XPO4: variants seen among roughly 807,000 people sequenced by gnomAD.
The protein encoded by XPO4 is exportin-4.
A neutral mutation model predicts 143.0 loss-of-function variants in XPO4; 39 were observed. The ratio of observed to expected loss-of-function variants is 0.27; its 90% confidence interval spans 0.21 to 0.36. XPO4 has a LOEUF of 0.36. XPO4 is among the 10% of genes least tolerant of loss of function. The probability of loss-of-function intolerance (pLI) is 1.00; values close to 1 mark genes in which losing one functional copy is unlikely to be tolerated. For synonymous variants in XPO4, 439 were observed against 474.0 expected (o/e 0.93, Z 0.96); for missense variants, 907 against 1,348.0 (o/e 0.67, Z 5.12).
In XPO4 at chr13:20,834,491, T is replaced by G. The variant is rs570289507; in HGVS notation, c.728-7312A>C. On this transcript the variant is annotated intron_variant, in intron 6 of 22. Transcript: ENST00000255305. Reference sequence around the variant, plus strand: ...AGAGGCTGAAGTTGAGAGGATAGCTTGAGCCCAAGAAGTCGAGGCTGCCAA... The same window carrying G: ...AGAGGCTGAAGTTGAGAGGATAGCTGGAGCCCAAGAAGTCGAGGCTGCCAA... 5.9e-5 allele frequency among the ~76,000 whole-genome samples: 9 copies of G among 151,664 alleles called. No homozygotes were observed. The South Asian group carries it at 1.0e-3, about 18-fold the overall frequency.
chr13:20,865,587 T>C (rs2060238105), intron 2 of XPO4: 3 of 968,076 alleles, frequency 3.1e-6, no homozygotes, highest in Admixed American at 6.2e-5. Flanking sequence ...ATAAAATTCA[T>C]TTGAATTTTG....
chr13:20,801,782 A>C (rs1450163516), intron 13 of XPO4, among the ~76,000 whole-genome samples: 1 of 151,928 alleles, frequency 6.6e-6, no homozygotes, highest in South Asian at 2.1e-4. Context: ...AAAGGATTCT[A>C]ATCACTCAAA....
chr13:20,900,446 A>T (rs1435729688), intron 1 of XPO4, among the ~76,000 whole-genome samples: 2 of 152,162 alleles, frequency 1.3e-5, no homozygotes, highest in Non-Finnish European at 2.9e-5. Context: ...AAAAAGTAAT[A>T]TATGTAAAGG....
intron 3 of XPO4, among the ~76,000 whole-genome samples, chr13:20,860,456 T>G (rs1465995383): frequency 6.6e-6 from 1 of 152,222 alleles, no homozygotes; most frequent in African/African-American, 2.4e-5. Context: ...ACAAATATCA[T>G]TTTAGAATTC....
chr13:20,840,483 C>T (rs2059963515), intron 6 of XPO4, among the ~76,000 whole-genome samples: 2 of 152,140 alleles, frequency 1.3e-5, no homozygotes, highest in East Asian at 1.9e-4. Context: ...TCTGGGATTA[C>T]AAGAGTGAGC....
intron 4 of XPO4, 121 bp downstream of exon 4, chr13:20,855,506 T>C (rs1160153899): frequency 4.9e-6 from 5 of 1,025,716 alleles, no homozygotes; most frequent in African/African-American, 3.4e-5. Context: ...CAAATGAAAA[T>C]TGCTTGACTG....
chr13:20,787,845 C>A (rs921622677), intron 20 of XPO4, among the ~76,000 whole-genome samples: 1 of 152,062 alleles, frequency 6.6e-6, no homozygotes, highest in Non-Finnish European at 1.5e-5. Flanking sequence ...ACGATACATA[C>A]AACTTATTAA....
chr13:20,847,596 C>G (rs556040313), intron 4 of XPO4, among the ~76,000 whole-genome samples: 21 of 152,322 alleles, frequency 1.4e-4, no homozygotes, highest in African/African-American at 4.8e-4. Flanking sequence ...TACCCCCTAA[C>G]TCACCCTCTA....
At chr13:20,880,372 C>T (rs777956271) in intron 1 of XPO4, among the ~76,000 whole-genome samples, 2 of 151,514 alleles carry the variant, frequency 1.3e-5, no homozygotes, top group Non-Finnish European at 2.9e-5. Context: ...GTAGTGGTTG[C>T]GGTGAGCCTA....
intron 1 of XPO4, among the ~76,000 whole-genome samples, chr13:20,882,109 C>CAAAAAAAAAAAAAAAAAAAAAAAAAAAAA (rs35404161): frequency 7.5e-5 from 7 of 93,370 alleles, no homozygotes; most frequent in African/African-American, 2.8e-4. Context: ...GACTCGGTCT[C>CAAAAAAAAAAAAAAAAAAAAAAAAAAAAA]AAAAAAAAAA....
At chr13:20,846,679 G>A (rs904304791) in intron 4 of XPO4, among the ~76,000 whole-genome samples, 20 of 152,188 alleles carry the variant, frequency 1.3e-4, no homozygotes, top group Admixed American at 2.0e-4. Context: ...AGAAATCGTA[G>A]AAAAGCACAA....
chr13:20,902,029 G>T, intron 1 of XPO4: 4 of 954,172 alleles, frequency 4.2e-6, no homozygotes, highest in Non-Finnish European at 5.0e-6. Context: ...TCAAAGAGTA[G>T]CATAGACTCA....
chr13:20,881,412 G>T (rs983569609), intron 1 of XPO4, among the ~76,000 whole-genome samples: 2 of 152,040 alleles, frequency 1.3e-5, no homozygotes, highest in African/African-American at 2.4e-5. Context: ...GGGACTACAG[G>T]CACCCGCCAC....
intron 3 of XPO4, 68 bp downstream of exon 3, chr13:20,862,649 A>T: frequency 6.3e-7 from 1 of 1,587,794 alleles, no homozygotes; most frequent in Non-Finnish European, 8.6e-7. Flanking sequence ...ATGCAAACAA[A>T]AAAAGCTCTA....
chr13:20,853,064 G>C (rs2060104925), intron 4 of XPO4: 1 of 984,538 alleles, frequency 1.0e-6, no homozygotes, highest in Non-Finnish European at 1.2e-6. Context: ...AGCCGTGGTG[G>C]CTCACATCTG....
chr13:20,885,186 G>T (rs1416628357), intron 1 of XPO4, among the ~76,000 whole-genome samples: 1 of 152,188 alleles, frequency 6.6e-6, no homozygotes, highest in Non-Finnish European at 1.5e-5. Flanking sequence ...CCAACCTCAG[G>T]TGATCCGCCT....
intron 3 of XPO4, 96 bp from the exon 4 acceptor site, chr13:20,855,861 G>A: frequency 7.7e-7 from 1 of 1,291,354 alleles, no homozygotes; most frequent in Non-Finnish European, 1.0e-6. Context: ...TAATAACATT[G>A]CTTACATGTG....
At chr13:20,798,965 G>A (rs2059395194) in intron 16 of XPO4, among the ~76,000 whole-genome samples, 200 bp downstream of exon 16, 2 of 151,080 alleles carry the variant, frequency 1.3e-5, no homozygotes, top group African/African-American at 2.4e-5. Flanking sequence ...AGGCTGCAAT[G>A]AGCTGAGACT....
In XPO4 at chr13:20,790,386, G is replaced by C. The variant is rs531789153; in HGVS notation, c.2916+76C>G. 5.0e-4 allele frequency: 576 copies of C among 1,147,742 alleles called. 1 individual carries two copies. Among genetic ancestry groups the C allele is most frequent in the Non-Finnish European group, 6.3e-4 (483 of 761,460 alleles). 71.1% of individuals were successfully genotyped at this position (1,147,742 alleles called of 1,614,324 possible). A position where few individuals can be genotyped will look rare whatever the true frequency, so the allele number is the denominator to read the frequency against. On this transcript the variant is annotated intron_variant, in intron 19 of 22. Coordinates refer to ENST00000255305, the MANE Select transcript of XPO4 (RefSeq NM_022459.5). ...GATACAACTACTAAATTAAATCACAGATATATTCTTGTCTAAAGTATCTTT... is the reference window on the plus strand; with the variant it reads ...GATACAACTACTAAATTAAATCACACATATATTCTTGTCTAAAGTATCTTT...
Sources: gnomAD v4.1 joint callset for allele counts (sites outside exome capture counted in the v4.1 genomes callset) on GRCh38, gnomAD v4.1.1 for gene constraint, MANE v1.5 for transcripts, NCBI Gene and HGNC (gene_info 2026-07-23, HGNC 2026-07-21) for gene names.